GPC5: variants seen among roughly 807,000 people sequenced by gnomAD.
GPC5 encodes glypican-5.
Under a neutral mutation model 53.9 loss-of-function variants are expected in GPC5, and 47 were observed. The observed-to-expected ratio is 0.87, with a 90% CI of 0.69 to 1.11. GPC5 has a LOEUF of 1.11. Ranked by LOEUF, GPC5 falls within the 50% of genes most tolerant of loss-of-function variation. The pLI is 0.00. For synonymous variants in GPC5, 286 were observed against 263.3 expected (o/e 1.09, Z -0.84); for missense variants, 748 against 713.1 (o/e 1.05, Z -0.56).
At chr13:91,830,051 T>A (rs1358857394) in intron 5 of GPC5, among the ~76,000 whole-genome samples, 1 of 152,002 alleles carries the variant, frequency 6.6e-6, no homozygotes, top group Non-Finnish European at 1.5e-5. Flanking sequence ...TAGGTGGGAA[T>A]TTCTTCTTCC....
chr13:91,816,386 G>A (rs2038400562), intron 5 of GPC5, among the ~76,000 whole-genome samples: 1 of 152,170 alleles, frequency 6.6e-6, no homozygotes, highest in Non-Finnish European at 1.5e-5. Context: ...CAGCAGGGAA[G>A]CATCACATGA....
At chr13:92,312,014 G>A (rs918805593) in intron 7 of GPC5, among the ~76,000 whole-genome samples, 32 of 152,126 alleles carry the variant, frequency 2.1e-4, no homozygotes, top group African/African-American at 7.7e-4. Context: ...AGGAGAGAAC[G>A]GAATAAGTCA....
chr13:91,699,854 G>T (rs1313680512), intron 3 of GPC5, among the ~76,000 whole-genome samples: 1 of 152,102 alleles, frequency 6.6e-6, no homozygotes, highest in Non-Finnish European at 1.5e-5. Context: ...TAGTGTTGAG[G>T]AACTTCTTAC....
At chr13:92,462,812 G>A (rs1878544689) in intron 7 of GPC5, among the ~76,000 whole-genome samples, 1 of 151,538 alleles carries the variant, frequency 6.6e-6, no homozygotes, top group African/African-American at 2.4e-5. Flanking sequence ...TGCCTCCCAG[G>A]TTCAAGTGAT....
At chr13:91,546,544 T>C (rs958715066) in intron 2 of GPC5, among the ~76,000 whole-genome samples, 6 of 152,092 alleles carry the variant, frequency 3.9e-5, no homozygotes, top group African/African-American at 1.4e-4. Context: ...TTCTTCTCAA[T>C]GTCAGTGTCT....
intron 6 of GPC5, among the ~76,000 whole-genome samples, chr13:91,993,403 T>C (rs1472466668): frequency 2.0e-5 from 3 of 152,206 alleles, no homozygotes; most frequent in Non-Finnish European, 4.4e-5. Context: ...TGGTTCTTTT[T>C]TTGGTTTCCT....
intron 7 of GPC5, among the ~76,000 whole-genome samples, chr13:92,167,055 G>A (rs886390758): frequency 6.0e-5 from 9 of 151,040 alleles, no homozygotes; most frequent in African/African-American, 1.7e-4. Context: ...AATGGAATTC[G>A]TTTGTAGGGA....
chr13:92,347,200 G>A (rs954846638), intron 7 of GPC5, among the ~76,000 whole-genome samples: 13 of 152,146 alleles, frequency 8.5e-5, no homozygotes, highest in African/African-American at 2.9e-4. Context: ...AAGCACAGAA[G>A]TCTTCACTCA....
intron 6 of GPC5, among the ~76,000 whole-genome samples, chr13:92,052,298 G>A (rs537002339): frequency 7.6e-4 from 115 of 152,254 alleles, no homozygotes; most frequent in African/African-American, 2.5e-3. Flanking sequence ...TGGTCTCACC[G>A]ACTTCAAGAA....
intron 7 of GPC5, among the ~76,000 whole-genome samples, chr13:92,723,495 T>C (rs1888558098): frequency 6.6e-6 from 1 of 151,726 alleles, no homozygotes; most frequent in Non-Finnish European, 1.5e-5. Flanking sequence ...TCAAGCTTGT[T>C]TAGCTTTATA....
At chr13:91,650,268 A>G (rs1207958267) in intron 2 of GPC5, among the ~76,000 whole-genome samples, 1 of 152,134 alleles carries the variant, frequency 6.6e-6, no homozygotes, top group Non-Finnish European at 1.5e-5. Flanking sequence ...CCCTTCATCA[A>G]TATACCCATC....
At chr13:92,213,046 A>G (rs1212391213) in intron 7 of GPC5, among the ~76,000 whole-genome samples, 2 of 152,220 alleles carry the variant, frequency 1.3e-5, no homozygotes, top group Non-Finnish European at 2.9e-5. Context: ...ACAAGAATCC[A>G]GTTGATACAA....
intron 7 of GPC5, among the ~76,000 whole-genome samples, chr13:92,256,582 A>C (rs1407929313): frequency 6.6e-6 from 1 of 151,876 alleles, no homozygotes; most frequent in Non-Finnish European, 1.5e-5. Context: ...CTATTGTTTC[A>C]CACTGCACTT....
intron 7 of GPC5, among the ~76,000 whole-genome samples, chr13:92,805,652 GC>G (rs781162488): frequency 5.9e-5 from 9 of 151,790 alleles, no homozygotes; most frequent in Non-Finnish European, 7.4e-5. Context: ...TTCCTATGTT[GC>G]TCTCAAACTC....
chr13:92,010,101 T>C (rs2040647228), intron 6 of GPC5, among the ~76,000 whole-genome samples: 1 of 152,238 alleles, frequency 6.6e-6, no homozygotes, highest in African/African-American at 2.4e-5. Context: ...CAGGTATTTC[T>C]AAAATACTGC....
chr13:92,245,870 T>C (rs968515527), intron 7 of GPC5, among the ~76,000 whole-genome samples: 18 of 152,148 alleles, frequency 1.2e-4, no homozygotes, highest in Non-Finnish European at 2.2e-4. Flanking sequence ...TGGAATATAC[T>C]TTTTGCTTAG....
At chr13:91,441,589 C>T (rs908217707) in intron 1 of GPC5, among the ~76,000 whole-genome samples, 13 of 152,160 alleles carry the variant, frequency 8.5e-5, no homozygotes, top group Non-Finnish European at 1.2e-4. Flanking sequence ...GGGACCTTTG[C>T]TTTCCTGGAT....
At chr13:92,544,562 C>A (rs890396465) in intron 7 of GPC5, among the ~76,000 whole-genome samples, 4 of 151,912 alleles carry the variant, frequency 2.6e-5, no homozygotes, top group East Asian at 1.9e-4. Context: ...GTCTTATAAC[C>A]CTAGTGGCTT....
At chr13:91,563,477 C>A (rs1192792560) in intron 2 of GPC5, among the ~76,000 whole-genome samples, 1 of 152,132 alleles carries the variant, frequency 6.6e-6, no homozygotes, top group African/African-American at 2.4e-5. Context: ...ATATCTTAGA[C>A]ATCTTTCAGG....
Sources: allele counts gnomAD v4.1 joint callset (sites outside exome capture counted in the v4.1 genomes callset), GRCh38; gene constraint gnomAD v4.1.1; transcripts MANE v1.5; gene names NCBI Gene and HGNC (gene_info 2026-07-23, HGNC 2026-07-21).